Variants in LCP2 observed in about 807,000 individuals in gnomAD.
LCP2 encodes 76 kDa tyrosine phosphoprotein.
In LCP2, 29 loss-of-function variants were observed where a neutral mutation model predicts 74.5. The ratio of observed to expected loss-of-function variants is 0.39; its 90% CI spans 0.29 to 0.53. The LOEUF is 0.53. Among genes scored for constraint, LCP2 ranks in the 20% least tolerant of loss-of-function variants. The pLI is 0.72. For missense variants in LCP2, 604 were observed against 634.6 expected, an observed-to-expected ratio of 0.95 and a Z score of 0.52; for synonymous variants, 228 against 229.5, an observed-to-expected ratio of 0.99 and a Z score of 0.06.
chr5:170,275,929 A>G, intron 3 of LCP2, 69 bp from the exon 4 acceptor site: 1 of 1,363,438 alleles, frequency 7.3e-7, no homozygotes. Flanking sequence ...CTGACCCTTG[A>G]TATCCCCTGG....
chr5:170,273,041 TAA>T (rs10675735), intron 6 of LCP2, among the ~76,000 whole-genome samples: 51 of 147,644 alleles, frequency 3.5e-4, no homozygotes, highest in African/African-American at 1.2e-3. Context: ...ATAAACTCCT[TAA>T]AAAAAAAAAA....
chr5:170,279,597 G>T (rs1188288684), intron 3 of LCP2, among the ~76,000 whole-genome samples: 6 of 152,232 alleles, frequency 3.9e-5, no homozygotes, highest in Non-Finnish European at 8.8e-5. Context: ...CGGACTCTCT[G>T]AGGAGAAGCC....
At chr5:170,291,226 A>AAGGAAGGAAGAAAGGAAGG (rs1561979324) in intron 2 of LCP2, among the ~76,000 whole-genome samples, 1 of 52,914 alleles carries the variant, frequency 1.9e-5, no homozygotes. Context: ...AGGAAGGAAG[A>AAGGAAGGAAGAAAGGAAGG]AAGGAAGGAA....
At chr5:170,274,846 G>A (rs976667528) in intron 5 of LCP2, among the ~76,000 whole-genome samples, 58 of 152,152 alleles carry the variant, frequency 3.8e-4, no homozygotes, top group Non-Finnish European at 5.1e-4. Context: ...GCATGGTGGC[G>A]GGTGCCTGTA....
At chr5:170,274,560 A>G (rs1761972929) in intron 5 of LCP2, among the ~76,000 whole-genome samples, 1 of 152,122 alleles carries the variant, frequency 6.6e-6, no homozygotes, top group African/African-American at 2.4e-5. Context: ...GATGGTTCTC[A>G]ACCTTTCTCG....
intron 2 of LCP2, among the ~76,000 whole-genome samples, chr5:170,290,952 A>AAAAGAAAGAAAG (rs201112309): frequency 4.9e-4 from 57 of 117,036 alleles, no homozygotes; most frequent in East Asian, 2.5e-3. Flanking sequence ...AGAAAGAAAG[A>AAAAGAAAGAAAG]AAAGAAAGAA....
chr5:170,271,900 T>A (rs1202589441), intron 6 of LCP2, among the ~76,000 whole-genome samples: 1 of 152,184 alleles, frequency 6.6e-6, no homozygotes, highest in Non-Finnish European at 1.5e-5. Context: ...TGTCTTTACG[T>A]TGTTCTGTTG....
At chr5:170,279,556 G>T (rs1762066045) in intron 3 of LCP2, among the ~76,000 whole-genome samples, 1 of 152,190 alleles carries the variant, frequency 6.6e-6, no homozygotes, top group Non-Finnish European at 1.5e-5. Flanking sequence ...TGCAAACACT[G>T]ATCACCAGGC....
chr5:170,271,672 G>C (rs1251800311), intron 6 of LCP2, among the ~76,000 whole-genome samples: 1 of 152,028 alleles, frequency 6.6e-6, no homozygotes, highest in Non-Finnish European at 1.5e-5. Context: ...GAAGGTGAAT[G>C]AGCATCAGAA....
In LCP2 at chr5:170,267,589, C is replaced by A. The variant is rs143881270; in HGVS notation, c.622-514G>T. On this transcript the variant is annotated intron_variant, in intron 8 of 20. Transcript: ENST00000046794. ...CCAGGTCCTTGTCACCTCCCCCCCC[C>A]ATACCGTCATGTTACCTGGTCTTCC... 2.5e-3 allele frequency among the ~76,000 whole-genome samples: 380 copies of A among 151,900 alleles called. 3 individuals are homozygous for A. The highest frequency in any genetic ancestry group is 8.7e-3 in the African/African-American group (361 of 41,394).
chr5:170,272,575 A>C (rs1318182781), intron 6 of LCP2, among the ~76,000 whole-genome samples: 2 of 142,656 alleles, frequency 1.4e-5, no homozygotes, highest in Non-Finnish European at 3.0e-5. Flanking sequence ...ATCGGTTATA[A>C]CTGTAACCCA....
chr5:170,297,594 C>A lies in LCP2; in HGVS notation c.18G>T (p.Val6=). 1 of 1,612,104 alleles carries A rather than the reference C, an allele frequency of 6.2e-7. No individual in the cohort carries two copies. Among genetic ancestry groups the A allele is most frequent in the East Asian group, 2.2e-5 (1 of 44,828 alleles). The stretch of plus-strand genomic sequence containing the variant: ...AGCCCAGGACCTCTGAGCGAAAGGG[C>A]ACATTCCTCAGTGCCATGGCTGCTC... MALRN[V]PFRSEVLGWD... is the part of the protein sequence containing the mutation. Residue 6 remains valine (V), a synonymous_variant, in exon 1 of 21, where the codon GTG becomes GTT. Coordinates refer to ENST00000046794, the MANE Select transcript of LCP2 (RefSeq NM_005565.5).
Position 170,253,162 on chromosome 5 carries a change from G to A in LCP2, c.1202C>T (p.Pro401Leu). 6.2e-7 allele frequency: 1 copy of A among 1,612,246 alleles called. No homozygotes were observed. Among genetic ancestry groups the A allele is most frequent in the Non-Finnish European group, 8.5e-7 (1 of 1,179,146 alleles). ...TGGGGGCCGAGGTTTGTTTGGAAGT[G>A]GCAAGGGGAAGTTTCTGCCTTCGGC... ...IRAEGRNFPL[P>L]LPNKPRPPSP... Residue 401 changes from proline to leucine, a missense_variant, in exon 18 of 21, where the codon CCA becomes CTA. Physicochemically the swap from Pro to Leu is moderately conservative, Grantham distance 98. Coordinates refer to ENST00000046794, the MANE Select transcript of LCP2 (RefSeq NM_005565.5).
rs10045290 is a variant in LCP2 at position 170,248,142 on chromosome 5, A to G, written c.*555T>C. The G allele has an allele frequency of 6.7e-6, 1 of 149,616 alleles. No individual in the cohort carries two copies. Among genetic ancestry groups the G allele is most frequent in the East Asian group, 1.9e-4 (1 of 5,204 alleles). 9.3% of individuals were successfully genotyped at this position (149,616 alleles called of 1,614,324 possible). A position where few individuals can be genotyped will look rare whatever the true frequency, so the allele number is the denominator to read the frequency against. On this transcript the variant is annotated 3_prime_UTR_variant, in exon 21 of 21. Transcript: ENST00000046794. ...TCTCAACATGCATTTGTCTTTTCAT[A>G]AAAAAATTACGTAAAAATGCCCCCA... is the stretch of plus-strand genomic sequence containing the variant.
Position 170,274,368 on chromosome 5 carries a change from A to G in LCP2, c.287-30T>C, listed in dbSNP as rs766657281. ...GGAAGGAGATGACACCACCATCAGC[A>G]CTGAAGAAAAGCCACCACTTGAGGG... On this transcript the variant is annotated intron_variant, in intron 5 of 20. Transcript: ENST00000046794. 10 of 1,609,716 alleles carry G rather than the reference A, an allele frequency of 6.2e-6. No homozygotes were observed. In the Admixed American group the frequency reaches 1.7e-4, roughly 27 times the overall value.
intron 3 of LCP2, among the ~76,000 whole-genome samples, chr5:170,279,796 G>T (rs1762069252): frequency 6.6e-6 from 1 of 152,198 alleles, no homozygotes; most frequent in African/African-American, 2.4e-5. Flanking sequence ...GGAGAGTGGG[G>T]GTATGCGGGG....
intron 6 of LCP2, among the ~76,000 whole-genome samples, chr5:170,271,782 C>T (rs970084540): frequency 6.6e-6 from 1 of 152,016 alleles, no homozygotes; most frequent in Non-Finnish European, 1.5e-5. Context: ...CAGACCTCAA[C>T]ACTCAAGGGC....
chr5:170,257,979 A>G (rs1163353745), intron 16 of LCP2, 58 bp downstream of exon 16: 8 of 1,563,552 alleles, frequency 5.1e-6, no homozygotes, highest in South Asian at 1.1e-5. Flanking sequence ...GCATTACTTC[A>G]GTACTGGATG....
intron 3 of LCP2, among the ~76,000 whole-genome samples, chr5:170,276,365 T>C (rs1287572574): frequency 6.6e-6 from 1 of 152,162 alleles, no homozygotes; most frequent in East Asian, 1.9e-4. Flanking sequence ...CAACCTCTAG[T>C]GGGCTGTTCT....
Sources: gnomAD v4.1 joint callset for allele counts (sites outside exome capture counted in the v4.1 genomes callset) on GRCh38, gnomAD v4.1.1 for gene constraint, MANE v1.5 for transcripts, NCBI Gene and HGNC (gene_info 2026-07-23, HGNC 2026-07-21) for gene names.